Variants in PTPN5 observed in about 807,000 individuals in gnomAD.
PTPN5 encodes tyrosine-protein phosphatase non-receptor type 5.
Under a neutral mutation model 73.9 loss-of-function variants are expected in PTPN5, and 29 were observed. The observed-to-expected ratio is 0.39, with a 90% CI of 0.29 to 0.54. The LOEUF (loss-of-function observed/expected upper bound fraction) is 0.54. Among genes scored for constraint, PTPN5 ranks in the 20% least tolerant of loss-of-function variants. The pLI is 0.65. For missense variants in PTPN5, 652 were observed against 751.4 expected (o/e 0.87, Z 1.55); for synonymous variants, 267 against 304.7 (o/e 0.88, Z 1.29).
Position 18,733,761 on chromosome 11 carries a change from A to G in PTPN5, c.1001-126T>C. 1 of 833,292 alleles carries G rather than the reference A, an allele frequency of 1.2e-6. No homozygotes were observed. The highest frequency in any genetic ancestry group is 2.0e-6 in the Non-Finnish European group (1 of 501,720). 51.6% of individuals were successfully genotyped at this position (833,292 alleles called of 1,614,324 possible). ...TTAGCAGTTCTTCCTTCCCTTGCCC[A>G]GCAGCAAAACATTGACCCATTCATG... On this transcript the variant is annotated intron_variant, in intron 9 of 14. Coordinates refer to ENST00000358540, the MANE Select transcript of PTPN5 (RefSeq NM_006906.2). This position sits in a 1 kb window ranked among gnomAD's most constrained non-coding sequence, Gnocchi z 4.3.
intron 3 of PTPN5, 111 bp from the exon 4 acceptor site, chr11:18,744,310 G>T: frequency 1.1e-6 from 1 of 909,026 alleles, no homozygotes; most frequent in Non-Finnish European, 1.5e-6. Context: ...ATCAGTCAGC[G>T]TGGCTCCACT....
intron 3 of PTPN5, among the ~76,000 whole-genome samples, chr11:18,761,437 T>G (rs941663581): frequency 1.3e-5 from 2 of 151,864 alleles, no homozygotes; most frequent in Admixed American, 6.6e-5. Flanking sequence ...AGAAGAGAGA[T>G]TGTGAGTTTG....
In PTPN5 at chr11:18,764,698, C is replaced by CTTTTTTTTGT. The variant is rs148183190; in HGVS notation, c.97+1108_97+1109insACAAAAAAAA. Among the ~76,000 whole-genome samples the CTTTTTTTTGT allele has an allele frequency of 5.3e-3, 809 of 151,934 alleles. 11 individuals are homozygous for CTTTTTTTTGT. The highest frequency in any genetic ancestry group is 0.018 in the African/African-American group (753 of 41,312). ...CAACGTTAGAGTTCAAAAGACTTGT[C>CTTTTTTTTGT]TTTGTTTTGTTTTGTTTTGTTTTGT... On this transcript the variant is annotated intron_variant, in intron 3 of 14. Transcript: ENST00000358540.
At chr11:18,747,953 A>G (rs1005735508) in intron 3 of PTPN5, among the ~76,000 whole-genome samples, 1 of 152,212 alleles carries the variant, frequency 6.6e-6, no homozygotes, top group African/African-American at 2.4e-5. Context: ...TAGTAACACC[A>G]GTTCTTTGGG....
At chr11:18,747,616 A>T (rs1301435862) in intron 3 of PTPN5, among the ~76,000 whole-genome samples, 1 of 152,210 alleles carries the variant, frequency 6.6e-6, no homozygotes, top group Non-Finnish European at 1.5e-5. Context: ...TCAGGGATAC[A>T]TGCACCCCAG....
In PTPN5 at chr11:18,742,989, T is replaced by C. The variant is rs1161270821; in HGVS notation, c.483+3A>G. ...TTGAGGTTGGGGTCAGGAGGCGCCT[T>C]ACCAGGGTGGTAACGAGGACCAGGC... On this transcript the variant is annotated splice_donor_region_variant and intron_variant, in intron 6 of 14. Coordinates refer to ENST00000358540, the MANE Select transcript of PTPN5 (RefSeq NM_006906.2). This position sits in a 1 kb window ranked among gnomAD's most constrained non-coding sequence, Gnocchi z 4.1. 3 of 1,546,798 alleles carry C rather than the reference T, an allele frequency of 1.9e-6. No individual in the cohort carries two copies. The highest frequency in any genetic ancestry group is 1.8e-6 in the Non-Finnish European group (2 of 1,142,782).
intron 2 of PTPN5, among the ~76,000 whole-genome samples, chr11:18,766,514 T>C (rs1850651889): frequency 6.6e-6 from 1 of 152,182 alleles, no homozygotes; most frequent in African/African-American, 2.4e-5. Context: ...CTAGAAAAAG[T>C]AGTTACATAC....
chr11:18,788,620 C>T (rs1034749604), intron 1 of PTPN5, among the ~76,000 whole-genome samples: 4 of 152,208 alleles, frequency 2.6e-5, no homozygotes, highest in Admixed American at 2.6e-4. Context: ...CTCCAAGAAG[C>T]CGTTACTGAC....
At chr11:18,779,958 G>A (rs185068394) in intron 1 of PTPN5, among the ~76,000 whole-genome samples, 2 of 152,132 alleles carry the variant, frequency 1.3e-5, no homozygotes, top group Non-Finnish European at 1.5e-5. Flanking sequence ...CCTGGGAAGC[G>A]AGGGCTGTAC....
chr11:18,740,989 C>T (rs1265796136), intron 7 of PTPN5, among the ~76,000 whole-genome samples, 197 bp from the exon 8 acceptor site: 1 of 152,104 alleles, frequency 6.6e-6, no homozygotes, highest in Non-Finnish European at 1.5e-5. Context: ...GCCTGACTCC[C>T]TATCTCCTGC....
chr11:18,738,567 G>T (rs549029006), intron 8 of PTPN5, among the ~76,000 whole-genome samples: 2 of 152,240 alleles, frequency 1.3e-5, no homozygotes, highest in Non-Finnish European at 2.9e-5. Flanking sequence ...TTTCTCCCCT[G>T]TTGTTAATCT....
chr11:18,760,851 G>C (rs754685687), intron 3 of PTPN5, among the ~76,000 whole-genome samples: 1 of 152,220 alleles, frequency 6.6e-6, no homozygotes, highest in Non-Finnish European at 1.5e-5. Context: ...GTTAGCAGCT[G>C]GTGTCCATGT....
chr11:18,752,497 G>A (rs1229544960), intron 3 of PTPN5, among the ~76,000 whole-genome samples: 1 of 152,216 alleles, frequency 6.6e-6, no homozygotes, highest in Non-Finnish European at 1.5e-5. Flanking sequence ...AACTGGGGTC[G>A]GTGGATGGAG....
chr11:18,774,513 G>C (rs958353451), intron 1 of PTPN5, among the ~76,000 whole-genome samples: 1 of 152,238 alleles, frequency 6.6e-6, no homozygotes, highest in Non-Finnish European at 1.5e-5. Flanking sequence ...CCTGTACTCT[G>C]AGGAGGAGGG....
intron 3 of PTPN5, chr11:18,744,461 T>C (rs1849525480): frequency 2.9e-6 from 1 of 347,620 alleles, no homozygotes; most frequent in Non-Finnish European, 5.1e-6. Flanking sequence ...GGAGTTAATA[T>C]AGTTGTATTT....
intron 7 of PTPN5, among the ~76,000 whole-genome samples, chr11:18,741,685 G>T: frequency 6.6e-6 from 1 of 152,134 alleles, no homozygotes; most frequent in East Asian, 1.9e-4. Flanking sequence ...GGTACATAAA[G>T]ATGGCAACAA....
intron 1 of PTPN5, among the ~76,000 whole-genome samples, chr11:18,785,247 G>A (rs1004571945): frequency 2.0e-5 from 3 of 152,178 alleles, no homozygotes; most frequent in Non-Finnish European, 4.4e-5. Flanking sequence ...ATCTCTTGAG[G>A]GTGCTTCAGA....
intron 3 of PTPN5, among the ~76,000 whole-genome samples, chr11:18,752,989 A>G (rs1003245897): frequency 6.6e-6 from 1 of 152,254 alleles, no homozygotes; most frequent in African/African-American, 2.4e-5. Flanking sequence ...CCTCTAGTTC[A>G]GCTCTCTCAT....
At chr11:18,792,380 A>T (rs1851967228), upstream of PTPN5, 2 of 152,404 alleles carry the variant, frequency 1.3e-5, no homozygotes, top group Non-Finnish European at 2.9e-5. Flanking sequence ...TAGGACGCTG[A>T]GGAGGCGTCC....
Sources: gnomAD v4.1 joint callset for allele counts (sites outside exome capture counted in the v4.1 genomes callset) on GRCh38, gnomAD v4.1.1 for gene constraint, Gnocchi (gnomAD v3.1) non-coding constraint, MANE v1.5 for transcripts, NCBI Gene and HGNC (gene_info 2026-07-23, HGNC 2026-07-21) for gene names.